The following LAMA3 variants were observed in gnomAD, a reference collection of about 807,000 sequenced individuals.
LAMA3 encodes laminin subunit alpha 3, also known as laminin subunit alpha-3.
A neutral mutation model predicts 402.0 loss-of-function variants in LAMA3; 281 were observed. The ratio of observed to expected loss-of-function variants is 0.70; its 90% CI spans 0.63 to 0.77. The LOEUF is 0.77. Ranked by LOEUF, LAMA3 falls within the 30% of genes least tolerant of loss-of-function variation. The pLI, the probability that LAMA3 is intolerant of heterozygous loss-of-function variation, is 0.00. For missense variants in LAMA3, 3,840 were observed against 4,215.5 expected, an observed-to-expected ratio of 0.91 and a Z score of 2.47; for synonymous variants, 1,431 against 1,558.4, an observed-to-expected ratio of 0.92 and a Z score of 1.93.
chr18:23,949,917 C>G lies in LAMA3; in HGVS notation c.9504C>G (p.Val3168=), dbSNP rs201759849. The G allele has an allele frequency of 1.2e-6, 2 of 1,613,974 alleles. No homozygotes were observed. The highest frequency in any genetic ancestry group is 2.2e-5 in the East Asian group (1 of 44,866). ...ATTTCTCTGAAGAAGGAGGTCATGT[C>G]GTCTTGGGTAAGGAGCAGTTCTATA... ...GIYFSEEGGH[V]VLAHSVLLGP... The change falls in exon 71 of 75, where the codon GTC becomes GTG. Residue 3168 remains valine, a synonymous_variant. Coordinates refer to ENST00000313654, the MANE Select transcript of LAMA3 (RefSeq NM_198129.4).
intron 2 of LAMA3, among the ~76,000 whole-genome samples, chr18:23,724,834 G>T (rs1357124909): frequency 6.6e-6 from 1 of 152,122 alleles, no homozygotes; most frequent in East Asian, 1.9e-4. Flanking sequence ...GAGTCACTGT[G>T]CCTGGCACCT....
chr18:23,947,757 C>T (rs1163318432), intron 70 of LAMA3, among the ~76,000 whole-genome samples: 2 of 151,546 alleles, frequency 1.3e-5, no homozygotes, highest in African/African-American at 4.9e-5. Context: ...ACATTAATTG[C>T]TAAGGAGGAT....
At chr18:23,708,866 A>C (rs1291411201) in intron 1 of LAMA3, among the ~76,000 whole-genome samples, 1 of 151,098 alleles carries the variant, frequency 6.6e-6, no homozygotes, top group Non-Finnish European at 1.5e-5. Flanking sequence ...GGCTCAAGCA[A>C]TCCATCCCAG....
At chr18:23,831,437 C>T (rs1238069834) in intron 23 of LAMA3, among the ~76,000 whole-genome samples, 2 of 151,978 alleles carry the variant, frequency 1.3e-5, no homozygotes, top group African/African-American at 2.4e-5. Context: ...TACTGCAAGC[C>T]GTTCCCTCTA....
intron 68 of LAMA3, among the ~76,000 whole-genome samples, chr18:23,940,784 CA>C (rs2082474620): frequency 6.6e-6 from 1 of 152,108 alleles, no homozygotes. Context: ...CCTCATTTTC[CA>C]AAACTGTGCT....
At chr18:23,698,334 G>A (rs1019104978) in intron 1 of LAMA3, among the ~76,000 whole-genome samples, 25 of 151,628 alleles carry the variant, frequency 1.6e-4, no homozygotes, top group Non-Finnish European at 2.9e-4. Context: ...AGCCTCCCGA[G>A]TAGCTGGGAC....
intron 12 of LAMA3, among the ~76,000 whole-genome samples, chr18:23,804,515 C>G (rs1483019000): frequency 6.6e-6 from 1 of 152,168 alleles, no homozygotes; most frequent in Non-Finnish European, 1.5e-5. Context: ...TTCACTAGCT[C>G]CAATTAGCAT....
At chr18:23,822,559 GT>G (rs1473369372) in intron 20 of LAMA3, among the ~76,000 whole-genome samples, 184 bp downstream of exon 20, 2 of 152,200 alleles carry the variant, frequency 1.3e-5, no homozygotes, top group Non-Finnish European at 2.9e-5. Flanking sequence ...AATCACTTAA[GT>G]TTTGCTACTG....
chr18:23,739,083 G>A (rs1451547019), intron 2 of LAMA3, among the ~76,000 whole-genome samples: 2 of 152,174 alleles, frequency 1.3e-5, no homozygotes, highest in Non-Finnish European at 2.9e-5. Context: ...CTACACCCAA[G>A]CACCCAGAGA....
In LAMA3 at chr18:23,879,084, C is replaced by T. The variant is rs1338401123; in HGVS notation, c.5112+2677C>T. On this transcript the variant is annotated intron_variant, in intron 39 of 74. Coordinates refer to ENST00000313654, the MANE Select transcript of LAMA3 (RefSeq NM_198129.4). The surrounding 1 kb of genome is among the most constrained non-coding windows in gnomAD (Gnocchi z 4.2). ...TTTTTCTGTCTTCTTTCTTCATCTTCCTTCTTTTATTTTCTGCTACTTGAG... is the reference window on the plus strand; with the variant it reads ...TTTTTCTGTCTTCTTTCTTCATCTTTCTTCTTTTATTTTCTGCTACTTGAG... 1.3e-5 allele frequency among the ~76,000 whole-genome samples: 2 copies of T among 151,560 alleles called. No individual in the cohort carries two copies. The highest frequency in any genetic ancestry group is 2.9e-5 in the Non-Finnish European group (2 of 67,930).
At chr18:23,866,327 A>C (rs533551499) in intron 36 of LAMA3, among the ~76,000 whole-genome samples, 8 of 152,276 alleles carry the variant, frequency 5.3e-5, no homozygotes, top group African/African-American at 1.9e-4. Flanking sequence ...TAGCTTTGGG[A>C]AAGGTTTTCT....
rs754220471 is a variant in LAMA3 at position 23,810,435 on chromosome 18, G to C, written c.1673G>C (p.Arg558Pro). Residue 558 changes from arginine to proline, a missense_variant, in exon 13 of 75, where the codon CGG becomes CCG. Arg to Pro is a moderately radical substitution (Grantham distance 103, BLOSUM62 -2). Transcript: ENST00000313654. ...TCAGTGACTGGACAGTGTGAATGTC[G>C]GCCAGGAGTTACAGGACAGCGGTGT... ...CSSVTGQCEC[R>P]PGVTGQRCDR... 1 of 1,614,054 alleles carries C rather than the reference G, an allele frequency of 6.2e-7. No individual in the cohort carries two copies. Among genetic ancestry groups the C allele is most frequent in the Non-Finnish European group, 8.5e-7 (1 of 1,180,018 alleles).
intron 55 of LAMA3, 138 bp from the exon 56 acceptor site, chr18:23,912,573 A>G (rs1473667650): frequency 1.4e-6 from 1 of 731,904 alleles, no homozygotes; most frequent in African/African-American, 1.7e-5. Context: ...GGGCTTAGAG[A>G]CATTCACATT....
At chr18:23,896,355 A>G (rs1367728115) in intron 44 of LAMA3, among the ~76,000 whole-genome samples, 1 of 152,218 alleles carries the variant, frequency 6.6e-6, no homozygotes, top group African/African-American at 2.4e-5. Context: ...AAGCAAAAAC[A>G]AAAAACAAAA....
Position 23,885,931 on chromosome 18 carries a change from TA to T in LAMA3, c.5303+1088del, listed in dbSNP as rs565328892. On this transcript the variant is annotated intron_variant, in intron 41 of 74. Transcript: ENST00000313654. ...AATCATTTCTAAATGTGTGAACCCT[TA>T]AAAAAAAAAGTAGATTCCTGTTTTA... is the stretch of plus-strand genomic sequence containing the variant. Among the ~76,000 whole-genome samples, 173 of 147,826 alleles carry T rather than the reference TA, an allele frequency of 1.2e-3. 4 individuals are homozygous for T. The South Asian group carries it at 0.026, about 23-fold the overall frequency.
intron 67 of LAMA3, among the ~76,000 whole-genome samples, chr18:23,937,769 T>C (rs541492789): frequency 1.3e-5 from 2 of 152,274 alleles, no homozygotes; most frequent in South Asian, 2.1e-4. Context: ...TATAAGTAAC[T>C]CACTTAAGTT....
intron 2 of LAMA3, among the ~76,000 whole-genome samples, chr18:23,718,019 A>G (rs1018642417): frequency 6.6e-6 from 1 of 152,172 alleles, no homozygotes; most frequent in African/African-American, 2.4e-5. Flanking sequence ...GAATGAGAAC[A>G]CGATGTCTTT....
chr18:23,738,644 G>A (rs971623504), intron 2 of LAMA3, among the ~76,000 whole-genome samples: 2 of 152,168 alleles, frequency 1.3e-5, no homozygotes, highest in South Asian at 2.1e-4. Context: ...AGCTGTGTTC[G>A]AACACTACCT....
chr18:23,881,470 A>G (rs920289499), intron 39 of LAMA3, among the ~76,000 whole-genome samples: 2 of 152,364 alleles, frequency 1.3e-5, no homozygotes, highest in Admixed American at 6.5e-5. Context: ...GGGAAGAAAG[A>G]AAAGAATTTA....
Sources: allele counts gnomAD v4.1 joint callset (sites outside exome capture counted in the v4.1 genomes callset), GRCh38; gene constraint gnomAD v4.1.1; non-coding constraint Gnocchi (gnomAD v3.1); transcripts MANE v1.5; gene names NCBI Gene and HGNC (gene_info 2026-07-23, HGNC 2026-07-21).